The following L3MBTL4 variants were observed in gnomAD, a reference collection of about 807,000 sequenced individuals.
L3MBTL4 encodes lethal(3)malignant brain tumor-like protein 4.
In L3MBTL4, 70 loss-of-function variants were observed where a neutral mutation model predicts 84.5. The ratio of observed to expected loss-of-function variants is 0.83; its 90% CI spans 0.68 to 1.01. The LOEUF is 1.01. Among genes scored for constraint, L3MBTL4 ranks in the 50% least tolerant of loss-of-function variants. The probability of loss-of-function intolerance (pLI) is 0.00; values close to 1 mark genes in which losing one functional copy is unlikely to be tolerated. For missense variants in L3MBTL4, 715 were observed against 754.8 expected, an observed-to-expected ratio of 0.95 and a Z score of 0.62; for synonymous variants, 274 against 259.8, an observed-to-expected ratio of 1.05 and a Z score of -0.52.
At chr18:6,059,522 T>C (rs1239672430) in intron 16 of L3MBTL4, among the ~76,000 whole-genome samples, 1 of 152,196 alleles carries the variant, frequency 6.6e-6, no homozygotes, top group Non-Finnish European at 1.5e-5. Flanking sequence ...CTCATTTTCA[T>C]GTATTTCTGG....
intron 13 of L3MBTL4, among the ~76,000 whole-genome samples, chr18:6,170,040 T>C (rs959319529): frequency 6.6e-6 from 1 of 152,148 alleles, no homozygotes; most frequent in African/African-American, 2.4e-5. Flanking sequence ...ATTCTATCCA[T>C]TCATTTATCT....
At chr18:6,211,473 G>C (rs1459686483) in intron 12 of L3MBTL4, among the ~76,000 whole-genome samples, 1 of 152,164 alleles carries the variant, frequency 6.6e-6, no homozygotes, top group Non-Finnish European at 1.5e-5. Context: ...ATAGAGGAAT[G>C]TACTGGGCAA....
At chr18:6,134,593 T>A (rs181553314) in intron 14 of L3MBTL4, among the ~76,000 whole-genome samples, 1 of 152,262 alleles carries the variant, frequency 6.6e-6, no homozygotes, top group Non-Finnish European at 1.5e-5. Context: ...ACAAAGGGGT[T>A]ACAGGGCCCA....
intron 12 of L3MBTL4, among the ~76,000 whole-genome samples, chr18:6,183,671 C>G (rs917558470): frequency 1.3e-5 from 2 of 152,124 alleles, no homozygotes; most frequent in African/African-American, 4.8e-5. Flanking sequence ...TGAAGAATGT[C>G]AAACTAAGAA....
chr18:6,316,843 C>T (rs2051129648), intron 1 of L3MBTL4, among the ~76,000 whole-genome samples: 1 of 152,108 alleles, frequency 6.6e-6, no homozygotes, highest in South Asian at 2.1e-4. Context: ...ACTGAAAGCT[C>T]CCCCAGCCAC....
intron 14 of L3MBTL4, among the ~76,000 whole-genome samples, chr18:6,131,298 T>G (rs892976192): frequency 6.6e-6 from 1 of 152,210 alleles, no homozygotes; most frequent in Admixed American, 6.5e-5. Context: ...GCACTACATT[T>G]TCACGCTTTC....
intron 16 of L3MBTL4, among the ~76,000 whole-genome samples, chr18:6,041,019 G>A (rs1196561392): frequency 6.6e-6 from 1 of 152,186 alleles, no homozygotes; most frequent in Non-Finnish European, 1.5e-5. Context: ...TCACAACAAA[G>A]AAATAGCAGT....
At chr18:6,026,788 A>T (rs1007986957) in intron 16 of L3MBTL4, among the ~76,000 whole-genome samples, 18 of 152,204 alleles carry the variant, frequency 1.2e-4, no homozygotes, top group Middle Eastern at 3.2e-3. Flanking sequence ...AATGTTTAAT[A>T]ACAGTCACAT....
intron 16 of L3MBTL4, among the ~76,000 whole-genome samples, chr18:6,078,686 T>G (rs76782068): frequency 0.019 from 2,940 of 152,282 alleles, 46 homozygotes; most frequent in Middle Eastern, 0.065. Flanking sequence ...ACTGGTTTCA[T>G]GGAAGACAAT....
intron 18 of L3MBTL4, among the ~76,000 whole-genome samples, chr18:5,959,421 TG>T (rs2095250982): frequency 1.3e-5 from 2 of 152,234 alleles, no homozygotes; most frequent in African/African-American, 4.8e-5. Context: ...ACACAAGCAC[TG>T]GGATTAGTAT....
At chr18:6,161,152 C>A (rs1191163642) in intron 13 of L3MBTL4, among the ~76,000 whole-genome samples, 1 of 152,166 alleles carries the variant, frequency 6.6e-6, no homozygotes, top group African/African-American at 2.4e-5. Flanking sequence ...AGTTTCAATT[C>A]TAACTGTAGG....
At chr18:6,155,018 C>G (rs1019863113) in intron 13 of L3MBTL4, among the ~76,000 whole-genome samples, 48 of 152,194 alleles carry the variant, frequency 3.2e-4, no homozygotes, top group Middle Eastern at 6.8e-3. Flanking sequence ...CTTCCATAAC[C>G]ATATTTCTTT....
At chr18:6,230,535 A>G (rs2046955839) in intron 10 of L3MBTL4, among the ~76,000 whole-genome samples, 1 of 152,174 alleles carries the variant, frequency 6.6e-6, no homozygotes, top group Admixed American at 6.5e-5. Flanking sequence ...TAGCGCTGAG[A>G]TGAGCATACA....
chr18:6,157,935 T>C (rs1486183824), intron 13 of L3MBTL4, among the ~76,000 whole-genome samples: 9 of 152,166 alleles, frequency 5.9e-5, no homozygotes, highest in Admixed American at 2.6e-4. Flanking sequence ...TTTAGGAAAG[T>C]TTCCTTGGTC....
rs746329940 is a variant in L3MBTL4, at chr18:6,269,653, T to C, written c.128-5615A>G. On this transcript the variant is annotated intron_variant, in intron 4 of 18. Transcript: ENST00000317931. ...GGAAAAATATCTAAATATCCAACAATAGAAGTCAAATTATCGTTATGATCA... is the reference window on the plus strand; with the variant it reads ...GGAAAAATATCTAAATATCCAACAACAGAAGTCAAATTATCGTTATGATCA... 5.4e-4 allele frequency among the ~76,000 whole-genome samples: 83 copies of C among 152,312 alleles called. 1 individual carries two copies. Among genetic ancestry groups the C allele is most frequent in the Non-Finnish European group, 4.9e-4 (33 of 68,032 alleles).
rs71163258 is a variant in L3MBTL4 at position 6,072,881 on chromosome 18, AATATATAT to A, written c.1444+7992_1444+7999del. The stretch of plus-strand genomic sequence containing the variant: ...ACTCCGTCTCAAAAAAAAAAAAAAA[AATATATAT>A]ATATATATATATATATATATATATA... On this transcript the variant is annotated intron_variant, in intron 16 of 18. Transcript: ENST00000317931. Among the ~76,000 whole-genome samples the A allele has an allele frequency of 7.5e-3, 153 of 20,338 alleles. 3 individuals are homozygous for A. The highest frequency in any genetic ancestry group is 0.01 in the Admixed American group (14 of 1,394). The allele number at this position is 20,338 out of a possible 152,430, so 13.3% of individuals were successfully genotyped here.
chr18:6,213,375 C>A (rs1429714101), intron 11 of L3MBTL4, 116 bp from the exon 12 acceptor site: 2 of 581,958 alleles, frequency 3.4e-6, no homozygotes, highest in Non-Finnish European at 6.1e-6. Context: ...TTCAATACAA[C>A]TGGAATTTAG....
At chr18:6,276,259 G>A (rs1281817431) in intron 4 of L3MBTL4, among the ~76,000 whole-genome samples, 1 of 152,138 alleles carries the variant, frequency 6.6e-6, no homozygotes, top group Non-Finnish European at 1.5e-5. Flanking sequence ...GCTGTGCCTG[G>A]ACCACCTCAG....
chr18:6,006,011 T>TA (rs1460816863), intron 16 of L3MBTL4, among the ~76,000 whole-genome samples: 12 of 105,842 alleles, frequency 1.1e-4, no homozygotes, highest in Admixed American at 4.4e-4. Context: ...TTACCATAAT[T>TA]TAAAAAAAAA....
Sources: allele counts gnomAD v4.1 joint callset (sites outside exome capture counted in the v4.1 genomes callset), GRCh38; gene constraint gnomAD v4.1.1; transcripts MANE v1.5; gene names NCBI Gene and HGNC (gene_info 2026-07-23, HGNC 2026-07-21).